SPATA16: variants seen among roughly 807,000 people sequenced by gnomAD.
SPATA16 encodes the protein spermatogenesis associated 16, also known as spermatogenesis-associated protein 16.
In SPATA16, 36 loss-of-function variants were observed where a neutral mutation model predicts 63.3. That is an observed-to-expected ratio of 0.57 (90% CI 0.44 to 0.75). SPATA16 has a LOEUF of 0.75. Among genes scored for constraint, SPATA16 ranks in the 30% least tolerant of loss-of-function variants. The pLI is 0.00. For missense variants in SPATA16, 646 were observed against 679.3 expected (o/e 0.95, Z 0.54); for synonymous variants, 203 against 216.7 (o/e 0.94, Z 0.56).
chr3:172,967,960 C>T (rs935018217), intron 5 of SPATA16, among the ~76,000 whole-genome samples: 4 of 152,154 alleles, frequency 2.6e-5, no homozygotes, highest in African/African-American at 7.2e-5. Flanking sequence ...GTGTTATGTG[C>T]TTGAATCATC....
chr3:173,101,492 C>T (rs1737492874), intron 2 of SPATA16, among the ~76,000 whole-genome samples: 1 of 152,222 alleles, frequency 6.6e-6, no homozygotes, highest in Admixed American at 6.5e-5. Context: ...TACAATATTA[C>T]AGAACACTAT....
intron 3 of SPATA16, among the ~76,000 whole-genome samples, chr3:173,037,054 T>G: frequency 6.6e-6 from 1 of 152,174 alleles, no homozygotes; most frequent in Non-Finnish European, 1.5e-5. Flanking sequence ...TATAAAATTA[T>G]ATAATGTTTA....
intron 10 of SPATA16, among the ~76,000 whole-genome samples, chr3:172,899,002 A>G (rs778189884): frequency 1.2e-4 from 18 of 151,628 alleles, no homozygotes; most frequent in Admixed American, 7.2e-4. Context: ...TCTTTTATTG[A>G]CTTCTAGTTT....
At chr3:173,044,890 G>A (rs1449144370) in intron 3 of SPATA16, among the ~76,000 whole-genome samples, 1 of 151,972 alleles carries the variant, frequency 6.6e-6, no homozygotes, top group African/African-American at 2.4e-5. Context: ...TAATCTTAAG[G>A]TGTGGTCCTT....
intron 2 of SPATA16, among the ~76,000 whole-genome samples, chr3:173,088,004 T>TTCCG (rs201588015): frequency 7.1e-6 from 1 of 140,904 alleles, no homozygotes; most frequent in East Asian, 2.0e-4. Flanking sequence ...AGCATTTTCT[T>TTCCG]TCCGTCTTTC....
intron 5 of SPATA16, among the ~76,000 whole-genome samples, chr3:172,971,255 A>G (rs1247936358): frequency 1.3e-5 from 2 of 152,212 alleles, no homozygotes; most frequent in Admixed American, 6.5e-5. Context: ...GTTGTTTACA[A>G]TTGTGAACTT....
At chr3:173,102,586 A>T (rs1236700422) in intron 2 of SPATA16, among the ~76,000 whole-genome samples, 1 of 152,088 alleles carries the variant, frequency 6.6e-6, no homozygotes, top group African/African-American at 2.4e-5. Context: ...GAACTCACTC[A>T]CTATTGTGTG....
intron 10 of SPATA16, among the ~76,000 whole-genome samples, chr3:172,912,864 A>T (rs1406588569): frequency 1.3e-5 from 2 of 152,196 alleles, no homozygotes; most frequent in Non-Finnish European, 2.9e-5. Flanking sequence ...TCAAGGGTCA[A>T]CTGTATATCA....
rs1463577896 is a variant in SPATA16, at chr3:173,023,873, ATATT to A, written c.759-4302_759-4299del. On this transcript the variant is annotated intron_variant, in intron 3 of 10. Coordinates refer to ENST00000351008, the MANE Select transcript of SPATA16 (RefSeq NM_031955.6). ...TATATGCACACACATATTTGCATAT[ATATT>A]CTCATGTAGAATTTTAAAGCTTAAG... Among the ~76,000 whole-genome samples, 10 of 151,424 alleles carry A rather than the reference ATATT, an allele frequency of 6.6e-5. No homozygotes were observed. The East Asian group carries it at 1.7e-3, about 26-fold the overall frequency.
chr3:172,905,685 T>TCACAAAA (rs369849332), intron 10 of SPATA16, among the ~76,000 whole-genome samples: 14,815 of 152,200 alleles, frequency 0.097, 824 homozygotes, highest in African/African-American at 0.15. Flanking sequence ...ATAAGTATGA[T>TCACAAAA]TCATAAGTTA....
chr3:173,002,992 T>C (rs990652782), intron 4 of SPATA16, among the ~76,000 whole-genome samples: 23 of 152,162 alleles, frequency 1.5e-4, no homozygotes, highest in Admixed American at 1.5e-3. Flanking sequence ...GAGCTTGATA[T>C]TGAAGAAGAT....
At chr3:173,061,796 A>T (rs1266728254) in intron 2 of SPATA16, among the ~76,000 whole-genome samples, 1 of 152,170 alleles carries the variant, frequency 6.6e-6, no homozygotes, top group Non-Finnish European at 1.5e-5. Flanking sequence ...TAGATCTACT[A>T]AAGTGTCTCC....
chr3:172,972,149 A>G (rs1160415200), intron 5 of SPATA16, among the ~76,000 whole-genome samples: 1 of 152,200 alleles, frequency 6.6e-6, no homozygotes, highest in East Asian at 1.9e-4. Flanking sequence ...GAGATGGGAA[A>G]CATTTCAATG....
At chr3:172,988,469 A>G (rs1164695525) in intron 4 of SPATA16, among the ~76,000 whole-genome samples, 2 of 152,124 alleles carry the variant, frequency 1.3e-5, no homozygotes, top group Admixed American at 6.5e-5. Context: ...CGCCTCCTCA[A>G]TATGCCAATC....
intron 3 of SPATA16, among the ~76,000 whole-genome samples, chr3:173,038,247 T>C (rs1735759717): frequency 6.6e-6 from 1 of 152,068 alleles, no homozygotes. Context: ...TAACCTTGTA[T>C]GTAATACCCT....
At position 172,960,819 on chromosome 3, in the gene SPATA16, A is replaced by G. The variant is rs115674851; in HGVS notation, c.934-3995T>C. ...GGTAGCCAGAATTAAGCTGGCAGAA[A>G]CTATAAACTTCAAACATTTTCGGGA... is the stretch of plus-strand genomic sequence containing the variant. On this transcript the variant is annotated intron_variant, in intron 5 of 10. Transcript: ENST00000351008. Among the ~76,000 whole-genome samples, 419 of 150,458 alleles carry G rather than the reference A, an allele frequency of 2.8e-3. 3 individuals are homozygous for G. Among genetic ancestry groups the G allele is most frequent in the African/African-American group, 9.4e-3 (389 of 41,192 alleles).
intron 4 of SPATA16, among the ~76,000 whole-genome samples, chr3:172,998,597 G>A (rs1472856747): frequency 6.6e-6 from 1 of 152,122 alleles, no homozygotes; most frequent in Non-Finnish European, 1.5e-5. Flanking sequence ...ACGGTGAGAG[G>A]TAATAGTCTT....
chr3:172,940,711 G>C (rs1733124442), intron 6 of SPATA16, among the ~76,000 whole-genome samples: 2 of 152,186 alleles, frequency 1.3e-5, no homozygotes, highest in South Asian at 4.1e-4. Context: ...AAAGGGCTGG[G>C]TGCAGTGGCT....
rs139543023 is a variant in SPATA16, at chr3:172,889,595, C to G, written c.1685G>C (p.Arg562Pro). Residue 562 changes from arginine to proline, a missense_variant, in exon 11 of 11, where the codon CGA (arginine) becomes CCA (proline). Physicochemically the swap from Arg to Pro is moderately radical, Grantham distance 103 (BLOSUM62 -2). Transcript: ENST00000351008. ...TARRQKTKMK[R>P]LQTVQQR Reference sequence around the variant, plus strand: ...CTACCTTTGCTGAACAGTTTGAAGTCGCTTCATTTTTGTTTTTTGCCTTCG... The same window carrying G: ...CTACCTTTGCTGAACAGTTTGAAGTGGCTTCATTTTTGTTTTTTGCCTTCG... The G allele has an allele frequency of 4.3e-6, 7 of 1,613,704 alleles. No individual in the cohort carries two copies. Among genetic ancestry groups the G allele is most frequent in the Non-Finnish European group, 5.9e-6 (7 of 1,179,834 alleles).
Sources: gnomAD v4.1 joint callset for allele counts (sites outside exome capture counted in the v4.1 genomes callset) on GRCh38, gnomAD v4.1.1 for gene constraint, MANE v1.5 for transcripts, NCBI Gene and HGNC (gene_info 2026-07-23, HGNC 2026-07-21) for gene names.